Variants in QSOX1 observed in about 807,000 individuals in gnomAD.
QSOX1 encodes the protein quiescin sulfhydryl oxidase 1.
In QSOX1, 40 loss-of-function variants were observed where a neutral mutation model predicts 76.1. That is an observed-to-expected ratio of 0.53 (90% CI 0.41 to 0.68). The LOEUF is 0.68. Among genes scored for constraint, QSOX1 ranks in the 30% least tolerant of loss-of-function variants. The probability of loss-of-function intolerance (pLI) is 0.00; values close to 1 mark genes in which losing one functional copy is unlikely to be tolerated. For synonymous variants in QSOX1, 392 were observed against 413.1 expected (o/e 0.95, Z 0.62); for missense variants, 931 against 974.3 (o/e 0.96, Z 0.59).
chr1:180,179,998 G>T (rs1373780202), intron 5 of QSOX1, among the ~76,000 whole-genome samples: 1 of 152,224 alleles, frequency 6.6e-6, no homozygotes, highest in Admixed American at 6.5e-5. Context: ...AGTACCAAGG[G>T]GCTGGGGTCC....
At chr1:180,187,593 G>A (rs1041154283) in intron 8 of QSOX1, among the ~76,000 whole-genome samples, 5 of 152,238 alleles carry the variant, frequency 3.3e-5, no homozygotes, top group African/African-American at 9.6e-5. Flanking sequence ...TTTGTCCCCA[G>A]TGGGGCTGTT....
chr1:180,197,007 G>T lies in QSOX1; in HGVS notation c.2214G>T (p.Leu738=). 6.2e-7 allele frequency: 1 copy of T among 1,611,906 alleles called. No homozygotes were observed. The change falls in exon 12 of 12, where the codon CTG becomes CTT. Residue 738 remains leucine, a synonymous_variant. Coordinates refer to ENST00000367602, the MANE Select transcript of QSOX1 (RefSeq NM_002826.5). ...YTYFQAKIRA[L]KGHAGHPAA is the part of the protein sequence containing the mutation. Reference sequence around the variant, plus strand: ...ACTTCCAGGCCAAGATAAGGGCCCTGAAGGGCCATGCTGGCCACCCTGCAG... The same window carrying T: ...ACTTCCAGGCCAAGATAAGGGCCCTTAAGGGCCATGCTGGCCACCCTGCAG...
chr1:180,175,502 A>G, intron 3 of QSOX1, 136 bp downstream of exon 3: 2 of 924,854 alleles, frequency 2.2e-6, no homozygotes, highest in Non-Finnish European at 3.5e-6. Flanking sequence ...GGGAAGCCTA[A>G]CTTGTGTCTT....
chr1:180,193,714 A>C lies in QSOX1; in HGVS notation c.1289-499A>C, dbSNP rs1663381827. Among the ~76,000 whole-genome samples the C allele has an allele frequency of 5.3e-5, 8 of 150,082 alleles. No homozygotes were observed. In the South Asian group the frequency reaches 6.4e-4, roughly 12 times the overall value. On this transcript the variant is annotated intron_variant, in intron 10 of 11. Coordinates refer to ENST00000367602, the MANE Select transcript of QSOX1 (RefSeq NM_002826.5). The stretch of plus-strand genomic sequence containing the variant: ...CAGTGGGTGGGAGGGGGTGGGGGGA[A>C]TGGAAGGGGAGAGCGAGGAGAGATG...
At chr1:180,182,822 A>C (rs1001526128) in intron 6 of QSOX1, among the ~76,000 whole-genome samples, 1 of 152,192 alleles carries the variant, frequency 6.6e-6, no homozygotes, top group Non-Finnish European at 1.5e-5. Flanking sequence ...CGTTAATGGC[A>C]CCAGATGGTG....
At chr1:180,186,597 G>A (rs1460663065) in intron 8 of QSOX1, among the ~76,000 whole-genome samples, 1 of 152,222 alleles carries the variant, frequency 6.6e-6, no homozygotes, top group Admixed American at 6.5e-5. Context: ...GATACTCCTT[G>A]CTTCCCTCCC....
Position 180,181,335 on chromosome 1 carries a change from G to A in QSOX1, c.607-839G>A, listed in dbSNP as rs548385059. On this transcript the variant is annotated intron_variant, in intron 5 of 11. Coordinates refer to ENST00000367602, the MANE Select transcript of QSOX1 (RefSeq NM_002826.5). ...CCTGCCATTTGCAGATGGCCTGTCCGATTATGCTCAGAACTTCTCTTCCCA... is the reference window on the plus strand; with the variant it reads ...CCTGCCATTTGCAGATGGCCTGTCCAATTATGCTCAGAACTTCTCTTCCCA... Among the ~76,000 whole-genome samples, 8 of 152,276 alleles carry A rather than the reference G, an allele frequency of 5.3e-5. No individual in the cohort carries two copies. The South Asian group carries it at 8.3e-4, about 16-fold the overall frequency.
Position 180,196,149 on chromosome 1 carries a change from G to GAA in QSOX1, c.1469-113_1469-112insAA. On this transcript the variant is annotated intron_variant, in intron 11 of 11. Transcript: ENST00000367602. This position sits in a 1 kb window ranked among gnomAD's most constrained non-coding sequence, Gnocchi z 4.1. ...TAATTACCCATCCTCTGGAAGGGCA[G>GAA]TGGCGAGCCCTTTCTGCAGACAAGG... 7.5e-7 allele frequency: 1 copy of GAA among 1,334,702 alleles called. No homozygotes were observed. Among genetic ancestry groups the GAA allele is most frequent in the Admixed American group, 2.4e-5 (1 of 42,186 alleles). The allele number at this position is 1,334,702 out of a possible 1,614,324, so 82.7% of individuals were successfully genotyped here.
chr1:180,183,760 C>T (rs143583484), intron 6 of QSOX1, among the ~76,000 whole-genome samples, 156 bp from the exon 7 acceptor site: 10 of 152,342 alleles, frequency 6.6e-5, no homozygotes, highest in African/African-American at 2.4e-4. Context: ...TGGGTGCCGT[C>T]TTCTGGCCTC....
At position 180,182,255 on chromosome 1, in the gene QSOX1, G is replaced by T; in HGVS notation, c.688G>T (p.Gly230Cys). 2 of 1,614,222 alleles carry T rather than the reference G, an allele frequency of 1.2e-6. No individual in the cohort carries two copies. The highest frequency in any genetic ancestry group is 1.7e-6 in the Non-Finnish European group (2 of 1,180,044). ...AGAGGCCAATGTGGTGAGAAAGTTT[G>T]GTGTCACCGACTTCCCCTCTTGCTA... ...NTEANVVRKF[G>C]VTDFPSCYLL... Residue 230 changes from glycine (G) to cysteine (C), a missense_variant, in exon 6 of 12, where the codon GGT (glycine) becomes TGT (cysteine). Transcript: ENST00000367602.
At chr1:180,176,279 C>A (rs1662889851) in intron 4 of QSOX1, among the ~76,000 whole-genome samples, 1 of 152,142 alleles carries the variant, frequency 6.6e-6, no homozygotes, top group African/African-American at 2.4e-5. Context: ...ACTGATGGTG[C>A]AAGGGTCCAT....
chr1:180,161,586 G>T (rs1662495399), intron 1 of QSOX1, among the ~76,000 whole-genome samples: 1 of 152,214 alleles, frequency 6.6e-6, no homozygotes, highest in Admixed American at 6.5e-5. Context: ...TTCCAGAGAG[G>T]TCTTGTAGGG....
At chr1:180,184,942 A>G (rs1402193387) in intron 7 of QSOX1, among the ~76,000 whole-genome samples, 1 of 152,190 alleles carries the variant, frequency 6.6e-6, no homozygotes, top group Non-Finnish European at 1.5e-5. Context: ...GATCATCATA[A>G]TCATTCGATC....
Position 180,184,047 on chromosome 1 carries a change from A to G in QSOX1, c.884A>G (p.Asp295Gly). Residue 295 changes from aspartate (D) to glycine (G), a missense_variant, in exon 7 of 12, where the codon GAT becomes GGT. Physicochemically the swap from Asp to Gly is moderately conservative, Grantham distance 94. Transcript: ENST00000367602. Reference sequence around the variant, plus strand: ...GCTCCCACTGTTTGGAAATTGGCAGATCGGTAAGGCTACGCCTGGTTCTCC... The same window carrying G: ...GCTCCCACTGTTTGGAAATTGGCAGGTCGGTAAGGCTACGCCTGGTTCTCC... ...KIAPTVWKLA[D>G]RSKIYMADLE... 1 of 1,614,142 alleles carries G rather than the reference A, an allele frequency of 6.2e-7. No individual in the cohort carries two copies. The highest frequency in any genetic ancestry group is 8.5e-7 in the Non-Finnish European group (1 of 1,180,006).
At chr1:180,192,514 CT>C (rs1209018620) in intron 10 of QSOX1, among the ~76,000 whole-genome samples, 5 of 152,134 alleles carry the variant, frequency 3.3e-5, no homozygotes, top group African/African-American at 1.2e-4. Context: ...CAGTGTGCCC[CT>C]GGAGGAAGTG....
chr1:180,195,556 G>A (rs1231788149), intron 11 of QSOX1, among the ~76,000 whole-genome samples: 5 of 152,294 alleles, frequency 3.3e-5, no homozygotes, highest in South Asian at 4.1e-4. Context: ...GCTGGTGGCC[G>A]TGGCTCACCC....
At chr1:180,158,809 G>A (rs545499840) in intron 1 of QSOX1, among the ~76,000 whole-genome samples, 6 of 152,228 alleles carry the variant, frequency 3.9e-5, no homozygotes, top group African/African-American at 1.2e-4. Flanking sequence ...CTTAACACTC[G>A]GAGGCTGCAT....
chr1:180,193,301 G>A (rs1018624928), intron 10 of QSOX1, among the ~76,000 whole-genome samples: 2 of 151,940 alleles, frequency 1.3e-5, no homozygotes, highest in Non-Finnish European at 2.9e-5. Context: ...GCTGAGCAAC[G>A]CCAGGGCCGT....
intron 1 of QSOX1, among the ~76,000 whole-genome samples, chr1:180,155,498 C>T (rs1662356887): frequency 6.6e-6 from 1 of 152,216 alleles, no homozygotes; most frequent in Non-Finnish European, 1.5e-5. Flanking sequence ...GTTCCTTCCT[C>T]CGCATGGTCC....
Sources: gnomAD v4.1 joint callset for allele counts (sites outside exome capture counted in the v4.1 genomes callset) on GRCh38, gnomAD v4.1.1 for gene constraint, Gnocchi (gnomAD v3.1) non-coding constraint, MANE v1.5 for transcripts, NCBI Gene and HGNC (gene_info 2026-07-23, HGNC 2026-07-21) for gene names.